The following TENM2 variants were observed in gnomAD, a reference collection of about 807,000 sequenced individuals.
The protein encoded by TENM2 is teneurin transmembrane protein 2.
In TENM2, 52 loss-of-function variants were observed where a neutral mutation model predicts 245.2. The ratio of observed to expected loss-of-function variants is 0.21; its 90% CI spans 0.17 to 0.27. The LOEUF (loss-of-function observed/expected upper bound fraction) is 0.27, where lower values mean the gene tolerates loss of function less well. Ranked by LOEUF, TENM2 falls within the 10% of genes least tolerant of loss-of-function variation. The probability of loss-of-function intolerance (pLI) is 1.00; values close to 1 mark genes in which losing one functional copy is unlikely to be tolerated. For synonymous variants in TENM2, 1,363 were observed against 1,438.9 expected, an observed-to-expected ratio of 0.95 and a Z score of 1.19; for missense variants, 3,046 against 3,666.8, an observed-to-expected ratio of 0.83 and a Z score of 4.37.
At chr5:167,766,573 A>T (rs1468667940) in intron 2 of TENM2, among the ~76,000 whole-genome samples, 1 of 152,172 alleles carries the variant, frequency 6.6e-6, no homozygotes, top group Non-Finnish European at 1.5e-5. Flanking sequence ...GTTTACAAGG[A>T]TATGGAGAAA....
intron 2 of TENM2, among the ~76,000 whole-genome samples, chr5:167,842,777 G>T (rs191025680): frequency 3.3e-5 from 5 of 152,154 alleles, no homozygotes; most frequent in Admixed American, 2.0e-4. Context: ...GCAGTGTCAA[G>T]CTACTATAGA....
intron 5 of TENM2, among the ~76,000 whole-genome samples, chr5:168,042,969 A>G (rs1433650471): frequency 6.6e-6 from 1 of 152,166 alleles, no homozygotes; most frequent in Non-Finnish European, 1.5e-5. Flanking sequence ...GTCTCTCTGA[A>G]GCGGAGCCTG....
chr5:167,063,518 G>A, the TENM2 span, among the ~76,000 whole-genome samples: 1 of 152,042 alleles, frequency 6.6e-6, no homozygotes, highest in South Asian at 2.1e-4. Flanking sequence ...ACAGTTTTAT[G>A]TCTGCTATTA....
chr5:167,366,677 G>T (rs1225475379), intron 1 of TENM2, among the ~76,000 whole-genome samples: 1 of 152,054 alleles, frequency 6.6e-6, no homozygotes, highest in Admixed American at 6.6e-5. Context: ...AATTAAAAGG[G>T]GAAACTATAT....
At chr5:168,035,527 G>C (rs936818524) in intron 5 of TENM2, among the ~76,000 whole-genome samples, 29 of 151,802 alleles carry the variant, frequency 1.9e-4, no homozygotes, top group African/African-American at 6.0e-4. Flanking sequence ...GTCATAAGTG[G>C]CTTGTGTTTT....
chr5:167,980,259 C>A (rs1782734675), intron 4 of TENM2, among the ~76,000 whole-genome samples: 1 of 152,108 alleles, frequency 6.6e-6, no homozygotes, highest in Admixed American at 6.5e-5. Flanking sequence ...CCTTTGTATT[C>A]CACCCCCATC....
the TENM2 span, among the ~76,000 whole-genome samples, chr5:167,148,657 CT>C: frequency 6.6e-6 from 1 of 152,164 alleles, no homozygotes; most frequent in African/African-American, 2.4e-5. Flanking sequence ...ATTCAGGTGC[CT>C]TCTTAGAAAG....
the TENM2 span, among the ~76,000 whole-genome samples, chr5:167,226,143 C>CTATTTTGATTAA: frequency 3.3e-5 from 5 of 151,804 alleles, no homozygotes; most frequent in African/African-American, 1.2e-4. Context: ...TTTTTAGTCT[C>CTATTTTGATTAA]TATTTTGATT....
chr5:167,889,803 C>G (rs1016890608), intron 3 of TENM2, among the ~76,000 whole-genome samples: 1 of 152,144 alleles, frequency 6.6e-6, no homozygotes, highest in Non-Finnish European at 1.5e-5. Context: ...TTTCTGATTT[C>G]TTTTGCTAAC....
intron 2 of TENM2, 134 bp from the exon 5 acceptor site, chr5:167,875,852 A>C (rs1221044245): frequency 6.2e-6 from 4 of 640,708 alleles, no homozygotes; most frequent in Non-Finnish European, 1.1e-5. Flanking sequence ...CTTTTAAAAA[A>C]GCACATCTGG....
At chr5:167,739,297 C>T (rs908013609) in intron 2 of TENM2, among the ~76,000 whole-genome samples, 1 of 152,164 alleles carries the variant, frequency 6.6e-6, no homozygotes, top group African/African-American at 2.4e-5. Context: ...CATGAAGTCA[C>T]TCAGTGATCC....
intron 2 of TENM2, among the ~76,000 whole-genome samples, chr5:167,875,211 AG>A (rs1773317099): frequency 6.6e-6 from 1 of 152,156 alleles, no homozygotes; most frequent in Non-Finnish European, 1.5e-5. Flanking sequence ...CAAACATGGA[AG>A]GGTTGATTGA....
chr5:167,361,135 CAAAT>C (rs1007199720), intron 1 of TENM2, among the ~76,000 whole-genome samples: 1 of 152,096 alleles, frequency 6.6e-6, no homozygotes, highest in African/African-American at 2.4e-5. Flanking sequence ...TATGATATCA[CAAAT>C]AATTTAAAGT....
chr5:167,210,451 ATTT>A, the TENM2 span, among the ~76,000 whole-genome samples: 4 of 101,244 alleles, frequency 4.0e-5, no homozygotes, highest in African/African-American at 1.2e-4. Flanking sequence ...TTTTCACTGC[ATTT>A]TTTTTTTTTT....
intron 5 of TENM2, among the ~76,000 whole-genome samples, chr5:168,039,818 G>A (rs1009556896): frequency 1.3e-5 from 2 of 151,886 alleles, no homozygotes. Context: ...AGGTCACCTC[G>A]GCACACCAGA....
chr5:167,208,396 C>G, the TENM2 span, among the ~76,000 whole-genome samples: 1 of 152,148 alleles, frequency 6.6e-6, no homozygotes, highest in African/African-American at 2.4e-5. Flanking sequence ...TCTGAGGTTC[C>G]ACATCCTAAG....
At position 168,218,031 on chromosome 5, in the gene TENM2, T is replaced by G; in HGVS notation, c.4234-94T>G. On this transcript the variant is annotated intron_variant, in intron 22 of 28. Coordinates refer to ENST00000518659, the Ensembl canonical transcript of TENM2. This position sits in a 1 kb window ranked among gnomAD's most constrained non-coding sequence, Gnocchi z 5.2. ...ACAATGTGTTATTAAAAAGCTGTCT[T>G]TTTTCCTAGATATATAAAACCAGTA... is the stretch of plus-strand genomic sequence containing the variant. 1 of 1,398,736 alleles carries G rather than the reference T, an allele frequency of 7.1e-7. No homozygotes were observed. Among genetic ancestry groups the G allele is most frequent in the African/African-American group, 1.4e-5 (1 of 69,274 alleles). The allele number at this position is 1,398,736 out of a possible 1,614,324, so 86.6% of individuals were successfully genotyped here. A position where few individuals can be genotyped will look rare whatever the true frequency, so the allele number is the denominator to read the frequency against.
the TENM2 span, among the ~76,000 whole-genome samples, chr5:167,259,845 C>A: frequency 2.6e-5 from 4 of 152,106 alleles, no homozygotes; most frequent in Non-Finnish European, 5.9e-5. Context: ...TAGCAATATT[C>A]TCCTACTTCC....
intron 2 of TENM2, among the ~76,000 whole-genome samples, chr5:167,607,084 T>C (rs1777107355): frequency 6.6e-6 from 1 of 152,070 alleles, no homozygotes; most frequent in Admixed American, 6.6e-5. Flanking sequence ...CCCAGGCAGG[T>C]CATATAAATG....
Sources: gnomAD v4.1 joint callset for allele counts (sites outside exome capture counted in the v4.1 genomes callset) on GRCh38, gnomAD v4.1.1 for gene constraint, Gnocchi (gnomAD v3.1) non-coding constraint, MANE v1.5 for transcripts, NCBI Gene and HGNC (gene_info 2026-07-23, HGNC 2026-07-21) for gene names.